The following PIP5K1C variants were observed in gnomAD, a reference collection of about 807,000 sequenced individuals.
PIP5K1C encodes the protein phosphatidylinositol 4-phosphate 5-kinase type-1 gamma.
A neutral mutation model predicts 80.1 loss-of-function variants in PIP5K1C; 45 were observed. The ratio of observed to expected loss-of-function variants is 0.56; its 90% CI spans 0.44 to 0.72. PIP5K1C has a LOEUF of 0.72. Ranked by LOEUF, PIP5K1C falls within the 30% of genes least tolerant of loss-of-function variation. The pLI, the probability that PIP5K1C is intolerant of heterozygous loss-of-function variation, is 0.00. For synonymous variants in PIP5K1C, 498 were observed against 420.1 expected (o/e 1.19, Z -2.27); for missense variants, 753 against 954.6 (o/e 0.79, Z 2.78).
chr19:3,647,623 T>C lies in PIP5K1C; in HGVS notation c.1212-237A>G, dbSNP rs35921561. On this transcript the variant is annotated intron_variant, in intron 9 of 17. Coordinates refer to ENST00000335312, the MANE Select transcript of PIP5K1C (RefSeq NM_012398.3). ...GAGAACCATCTGGTCCCAATGTCCATAGTACCGAGGGGGTGACTGTTTTTA... is the reference window on the plus strand; with the variant it reads ...GAGAACCATCTGGTCCCAATGTCCACAGTACCGAGGGGGTGACTGTTTTTA... Among the ~76,000 whole-genome samples, 55,474 of 152,040 alleles carry C rather than the reference T, an allele frequency of 0.36. 11,657 individuals carry two copies. The highest frequency in any genetic ancestry group is 0.49 in the Non-Finnish European group (33,008 of 67,944).
At position 3,637,298 on chromosome 19, in the gene PIP5K1C, C is replaced by T; in HGVS notation, c.1920+1586G>A. 2 of 1,505,048 alleles carry T rather than the reference C, an allele frequency of 1.3e-6. No homozygotes were observed. The highest frequency in any genetic ancestry group is 1.3e-5 in the South Asian group (1 of 77,926). 93.2% of individuals were successfully genotyped at this position (1,505,048 alleles called of 1,614,324 possible). On this transcript the variant is annotated intron_variant, in intron 16 of 17. Transcript: ENST00000335312. This position sits in a 1 kb window ranked among gnomAD's most constrained non-coding sequence, Gnocchi z 7.0. ...CTCAGCTGTGCACCTGGTGATGGTG[C>T]TGCCCTATGGAGCGCCCGGTTCGAC... is the stretch of plus-strand genomic sequence containing the variant.
At chr19:3,636,705 G>A in intron 16 of PIP5K1C, 2 of 986,216 alleles carry the variant, frequency 2.0e-6, no homozygotes, top group Non-Finnish European at 2.4e-6. Flanking sequence ...TCACTCCACA[G>A]TGCCTGGCAC....
At chr19:3,642,539 A>G (rs2034006897) in intron 14 of PIP5K1C, among the ~76,000 whole-genome samples, 1 of 152,218 alleles carries the variant, frequency 6.6e-6, no homozygotes, top group Non-Finnish European at 1.5e-5. Context: ...CTGTGTTCCC[A>G]GAAAGTATCT....
chr19:3,685,526 C>T (rs923749121), intron 1 of PIP5K1C, among the ~76,000 whole-genome samples: 1 of 151,972 alleles, frequency 6.6e-6, no homozygotes, highest in African/African-American at 2.4e-5. Context: ...GTCAGGAGAT[C>T]GAGACCATCC....
chr19:3,669,272 G>A lies in PIP5K1C; in HGVS notation c.95-1919C>T, dbSNP rs138767316. Among the ~76,000 whole-genome samples the A allele has an allele frequency of 1.2e-3, 178 of 152,290 alleles. 1 individual carries two copies. The highest frequency in any genetic ancestry group is 3.4e-3 in the Middle Eastern group (1 of 294). ...GCAGGTGCCCTGCTCCGTAGGGCTCGGCCCTCTGGCTGCCTCCCTGCTCTG... is the reference window on the plus strand; with the variant it reads ...GCAGGTGCCCTGCTCCGTAGGGCTCAGCCCTCTGGCTGCCTCCCTGCTCTG... On this transcript the variant is annotated intron_variant, in intron 1 of 17. Transcript: ENST00000335312.
At chr19:3,646,436 C>A (rs752005740) in intron 10 of PIP5K1C, among the ~76,000 whole-genome samples, 22 of 152,198 alleles carry the variant, frequency 1.4e-4, no homozygotes, top group Non-Finnish European at 1.9e-4. Context: ...TCCCAGAATG[C>A]AACCTCCTTT....
intron 3 of PIP5K1C, among the ~76,000 whole-genome samples, chr19:3,663,258 T>C (rs1222478895): frequency 6.6e-6 from 1 of 152,234 alleles, no homozygotes; most frequent in Admixed American, 6.5e-5. Context: ...AGCCGGCTCA[T>C]ACCTCCGCTC....
chr19:3,697,090 TGGACCGAGGAGGACCAAGGA>T (rs2036138489), intron 1 of PIP5K1C, among the ~76,000 whole-genome samples: 1 of 134,262 alleles, frequency 7.4e-6, no homozygotes, highest in African/African-American at 2.9e-5. Flanking sequence ...AGGACCGAGC[TGGACCGAGGAGGACCAAGGA>T]GGACCGAGCC....
chr19:3,652,146 G>A, intron 7 of PIP5K1C, 115 bp from the exon 8 acceptor site: 4 of 885,008 alleles, frequency 4.5e-6, no homozygotes, highest in East Asian at 2.7e-5. Context: ...GGGTGTGAGA[G>A]ATGGAGTCCC....
At chr19:3,675,294 T>C (rs1443105567) in intron 1 of PIP5K1C, among the ~76,000 whole-genome samples, 1 of 152,166 alleles carries the variant, frequency 6.6e-6, no homozygotes, top group African/African-American at 2.4e-5. Flanking sequence ...TCCCTTTAGT[T>C]GCAAAAGCAT....
chr19:3,646,527 G>A (rs2145418477), intron 10 of PIP5K1C, among the ~76,000 whole-genome samples: 1 of 152,296 alleles, frequency 6.6e-6, no homozygotes, highest in East Asian at 1.9e-4. Context: ...GGGAGGTGGT[G>A]CCCGGCCACT....
At chr19:3,661,116 G>T (rs1037731938) in intron 4 of PIP5K1C, 33 bp from the exon 5 acceptor site, 5 of 1,461,728 alleles carry the variant, frequency 3.4e-6, no homozygotes, top group African/African-American at 1.4e-5. Context: ...AACCTGTGAG[G>T]GGTGGTGGGC....
At chr19:3,647,044 G>T (rs1296148449) in intron 10 of PIP5K1C, among the ~76,000 whole-genome samples, 2 of 133,398 alleles carry the variant, frequency 1.5e-5, no homozygotes, top group African/African-American at 5.8e-5. Flanking sequence ...GAGGAGGGGT[G>T]CAGGTGCTCA....
intron 2 of PIP5K1C, 131 bp downstream of exon 2, chr19:3,667,191 T>C: frequency 1.3e-6 from 1 of 763,790 alleles, no homozygotes; most frequent in East Asian, 2.7e-5. Context: ...ATCCTGCTTG[T>C]GGACACTGGA....
At chr19:3,683,485 G>T (rs758774615) in intron 1 of PIP5K1C, among the ~76,000 whole-genome samples, 34 of 152,196 alleles carry the variant, frequency 2.2e-4, no homozygotes, top group Non-Finnish European at 4.1e-4. Flanking sequence ...TGTGTGTGGC[G>T]GGGCCCGCAC....
chr19:3,644,259 G>C lies in PIP5K1C; in HGVS notation c.1346-8C>G. On this transcript the variant is annotated splice_polypyrimidine_tract_variant and splice_region_variant and intron_variant, in intron 11 of 17. Transcript: ENST00000335312. ...AGGGCGAGGACTTCAGGGCTGCAGG[G>C]AAGGGTGGGGGTTGGTGCTTGGGGT... The C allele has an allele frequency of 6.2e-7, 1 of 1,611,222 alleles. No individual in the cohort carries two copies. Among genetic ancestry groups the C allele is most frequent in the Non-Finnish European group, 8.5e-7 (1 of 1,179,324 alleles).
chr19:3,663,558 A>T (rs1441183237), intron 3 of PIP5K1C, among the ~76,000 whole-genome samples: 1 of 152,252 alleles, frequency 6.6e-6, no homozygotes, highest in East Asian at 1.9e-4. Flanking sequence ...ACGCACCTGG[A>T]ATCCCGGCCA....
At chr19:3,654,557 T>C (rs2034555564) in intron 6 of PIP5K1C, among the ~76,000 whole-genome samples, 1 of 152,248 alleles carries the variant, frequency 6.6e-6, no homozygotes, top group Non-Finnish European at 1.5e-5. Flanking sequence ...GGCTCATGCC[T>C]GTAATCCTAG....
intron 1 of PIP5K1C, among the ~76,000 whole-genome samples, chr19:3,683,522 C>A (rs575508660): frequency 6.6e-6 from 1 of 152,238 alleles, no homozygotes; most frequent in Non-Finnish European, 1.5e-5. Flanking sequence ...GGCTTAGTCA[C>A]GCAATTGTCC....
Sources: allele counts gnomAD v4.1 joint callset (sites outside exome capture counted in the v4.1 genomes callset), GRCh38; gene constraint gnomAD v4.1.1; non-coding constraint Gnocchi (gnomAD v3.1); transcripts MANE v1.5; gene names NCBI Gene and HGNC (gene_info 2026-07-23, HGNC 2026-07-21).